TNRC18: variants seen among roughly 807,000 people sequenced by gnomAD.
TNRC18 encodes the protein trinucleotide repeat-containing gene 18 protein.
In TNRC18, 69 loss-of-function variants were observed where a neutral mutation model predicts 226.7. The observed-to-expected ratio is 0.30, with a 90% confidence interval of 0.25 to 0.37. The LOEUF (loss-of-function observed/expected upper bound fraction) is 0.37, where lower values mean the gene tolerates loss of function less well. Among genes scored for constraint, TNRC18 ranks in the 10% least tolerant of loss-of-function variants. The probability of loss-of-function intolerance (pLI) is 1.00; values close to 1 mark genes in which losing one functional copy is unlikely to be tolerated. For synonymous variants in TNRC18, 2,449 were observed against 1,927.6 expected (o/e 1.27, Z -7.09); for missense variants, 4,754 against 4,256.6 (o/e 1.12, Z -3.25).
intron 3 of TNRC18, among the ~76,000 whole-genome samples, chr7:5,391,005 T>C (rs1013550806): frequency 1.3e-5 from 2 of 152,088 alleles, no homozygotes; most frequent in African/African-American, 4.8e-5. Context: ...ACGAGAAAAC[T>C]CAGAGCAGGC....
In TNRC18 at chr7:5,307,948, ACACT is replaced by A. The variant is rs140279079; in HGVS notation, c.*154_*157del. On this transcript the variant is annotated 3_prime_UTR_variant, in exon 30 of 30. Coordinates refer to ENST00000430969, the MANE Select transcript of TNRC18 (RefSeq NM_001080495.3). Reference sequence around the variant, plus strand: ...TGCGTGCACACACGTGCATGCACACACACTCACCCGGGCATCCACGTGCACACCT... The same window carrying A: ...TGCGTGCACACACGTGCATGCACACACACCCGGGCATCCACGTGCACACCT... 1,026 of 658,588 alleles carry A rather than the reference ACACT, an allele frequency of 1.6e-3. 9 individuals carry two copies. Among genetic ancestry groups the A allele is most frequent in the African/African-American group, 0.014 (778 of 55,222 alleles). 40.8% of individuals were successfully genotyped at this position (658,588 alleles called of 1,614,324 possible). A position where few individuals can be genotyped will look rare whatever the true frequency, so the allele number is the denominator to read the frequency against.
Position 5,313,064 on chromosome 7 carries a change from C to G in TNRC18, c.7827G>C (p.Ala2609=). 1.8e-6 allele frequency: 2 copies of G among 1,122,584 alleles called. No homozygotes were observed. The highest frequency in any genetic ancestry group is 2.6e-6 in the Non-Finnish European group (2 of 768,246). The allele number at this position is 1,122,584 out of a possible 1,614,324, so 69.5% of individuals were successfully genotyped here. A position where few individuals can be genotyped will look rare whatever the true frequency, so the allele number is the denominator to read the frequency against. ...AGGAGGAGGAGGAGGCCGGTGAGGC[C>G]GCCCTGGAGCTGGCAGCGCTGCAGT... is the stretch of plus-strand genomic sequence containing the variant. ...GRNCSAASSR[A]ASPASSSSSS... Residue 2609 remains alanine (A), a synonymous_variant, in exon 27 of 30, where the codon GCG becomes GCC. Transcript: ENST00000430969.
rs372961432 is a variant in TNRC18 at position 5,362,704 on chromosome 7, C to T, written c.4341G>A (p.Pro1447=). ...VVDPLKNLRL[P]RELKPNKKYS... is the part of the protein sequence containing the mutation. The stretch of plus-strand genomic sequence containing the variant: ...ACTTCTTGTTGGGCTTCAGCTCCCG[C>T]GGGAGCCGCAGGTTCTTGAGTGGGT... Residue 1447 remains proline (P), a synonymous_variant, in exon 12 of 30, where the codon CCG becomes CCA. Coordinates refer to ENST00000430969, the MANE Select transcript of TNRC18 (RefSeq NM_001080495.3). The T allele has an allele frequency of 4.2e-5, 67 of 1,583,124 alleles. No individual in the cohort carries two copies. The highest frequency in any genetic ancestry group is 4.5e-5 in the Non-Finnish European group (53 of 1,165,662).
At chr7:5,365,731 G>A (rs922978882) in intron 11 of TNRC18, among the ~76,000 whole-genome samples, 2 of 152,098 alleles carry the variant, frequency 1.3e-5, no homozygotes, top group Non-Finnish European at 1.5e-5. Flanking sequence ...TGGGATTGCA[G>A]ACGTGAGCCA....
At chr7:5,339,541 A>ATGTG (rs71536907) in intron 18 of TNRC18, among the ~76,000 whole-genome samples, 22,700 of 136,954 alleles carry the variant, frequency 0.17, 1,899 homozygotes, top group African/African-American at 0.22. Context: ...TGCCCAGCCA[A>ATGTG]TGTGTGTGTG....
At chr7:5,341,919 T>C (rs982423475) in intron 18 of TNRC18, among the ~76,000 whole-genome samples, 25 of 152,204 alleles carry the variant, frequency 1.6e-4, no homozygotes, top group Admixed American at 7.2e-4. Context: ...CGATGTACCT[T>C]GTCACCCAAG....
chr7:5,357,864 G>A (rs779494318), intron 15 of TNRC18, among the ~76,000 whole-genome samples: 5 of 152,166 alleles, frequency 3.3e-5, no homozygotes, highest in African/African-American at 4.8e-5. Context: ...ACTCAGATAA[G>A]GTATGCAGTG....
At chr7:5,358,870 T>C (rs1214650987) in intron 15 of TNRC18, among the ~76,000 whole-genome samples, 2 of 151,964 alleles carry the variant, frequency 1.3e-5, no homozygotes, top group Non-Finnish European at 2.9e-5. Flanking sequence ...TGGGGAGGGA[T>C]GGCAAGGTAC....
chr7:5,419,330 G>C (rs952441177), intron 2 of TNRC18, among the ~76,000 whole-genome samples: 2 of 152,198 alleles, frequency 1.3e-5, no homozygotes, highest in African/African-American at 4.8e-5. Flanking sequence ...AGTGCGCGAC[G>C]CCCCTTCCCA....
At chr7:5,409,812 T>C (rs1464993595) in intron 2 of TNRC18, among the ~76,000 whole-genome samples, 3 of 104,736 alleles carry the variant, frequency 2.9e-5, no homozygotes, top group Non-Finnish European at 3.8e-5. Flanking sequence ...CCGTCTCTAC[T>C]AAAAAAAAAA....
intron 5 of TNRC18, among the ~76,000 whole-genome samples, chr7:5,381,083 C>T (rs1263291016): frequency 6.6e-6 from 1 of 152,152 alleles, no homozygotes; most frequent in Admixed American, 6.5e-5. Context: ...TCCCAAGCGC[C>T]ACCTGCCACA....
At chr7:5,390,105 T>C (rs1780176978) in intron 4 of TNRC18, 2 of 387,152 alleles carry the variant, frequency 5.2e-6, no homozygotes, top group African/African-American at 2.1e-5. Flanking sequence ...GGCTCACATC[T>C]GTAATCCCAG....
intron 5 of TNRC18, among the ~76,000 whole-genome samples, chr7:5,382,638 T>C (rs1779478914): frequency 6.6e-6 from 1 of 152,058 alleles, no homozygotes; most frequent in South Asian, 2.1e-4. Context: ...CCGCCCCCTG[T>C]GAAGCTGGAG....
At position 5,370,867 on chromosome 7, in the gene TNRC18, G is replaced by T; in HGVS notation, c.3727C>A (p.Leu1243Met). Residue 1243 changes from leucine to methionine, a missense_variant, in exon 11 of 30, where the codon CTG becomes ATG. Coordinates refer to ENST00000430969, the MANE Select transcript of TNRC18 (RefSeq NM_001080495.3). ...PGRTEPCTAA[L>M]DLGVQLTPET... ...GGTGTCAGCTGCACCCCCAGGTCCA[G>T]GGCGGCGGTGCAGGGTTCTGTCCGG... 6.2e-7 allele frequency: 1 copy of T among 1,608,280 alleles called. No homozygotes were observed. The highest frequency in any genetic ancestry group is 8.5e-7 in the Non-Finnish European group (1 of 1,179,708).
rs564899940 is a variant in TNRC18 at position 5,337,199 on chromosome 7, G to A, written c.5720-4150C>T. Among the ~76,000 whole-genome samples the A allele has an allele frequency of 2.0e-5, 3 of 151,764 alleles. No individual in the cohort carries two copies. In the East Asian group the frequency reaches 5.8e-4, roughly 29 times the overall value. ...GGCGAACTTCTCATCAGAAACCAGA[G>A]GCCAGAAGAGAGCAGGATATCTTCT... On this transcript the variant is annotated intron_variant, in intron 18 of 29. Transcript: ENST00000430969.
intron 19 of TNRC18, among the ~76,000 whole-genome samples, chr7:5,326,340 T>C (rs942547724): frequency 6.6e-6 from 1 of 152,212 alleles, no homozygotes; most frequent in African/African-American, 2.4e-5. Flanking sequence ...AGCTTCATTT[T>C]AACAGCAGCC....
chr7:5,401,563 C>T (rs1781092984), intron 2 of TNRC18, among the ~76,000 whole-genome samples: 1 of 152,190 alleles, frequency 6.6e-6, no homozygotes. Context: ...CTTATTGTCT[C>T]TGCCCACTGA....
rs771079743 is a variant in TNRC18 at position 5,357,132 on chromosome 7, C to T, written c.4978G>A (p.Gly1660Arg). 16 of 1,560,574 alleles carry T rather than the reference C, an allele frequency of 1.0e-5. No individual in the cohort carries two copies. The East Asian group carries it at 2.6e-4, about 26-fold the overall frequency. Residue 1660 changes from glycine (G) to arginine (R), a missense_variant, in exon 16 of 30, where the codon GGG becomes AGG. Physicochemically the swap from Gly to Arg is moderately radical, Grantham distance 125. Coordinates refer to ENST00000430969, the MANE Select transcript of TNRC18 (RefSeq NM_001080495.3). ...GGAGTCAAGTACCTGCCGCAGCCCC[C>T]GCTAGTTTTCGATTTCCCCCCAGCA... ...DSAGGKSKTS[G>R]GCGRYLTPYD...
chr7:5,404,354 G>A (rs528865006), intron 2 of TNRC18, among the ~76,000 whole-genome samples: 1 of 152,184 alleles, frequency 6.6e-6, no homozygotes, highest in South Asian at 2.1e-4. Flanking sequence ...CTGGGCGACA[G>A]AGCAAGACTC....
Sources: gnomAD v4.1 joint callset for allele counts (sites outside exome capture counted in the v4.1 genomes callset) on GRCh38, gnomAD v4.1.1 for gene constraint, MANE v1.5 for transcripts, NCBI Gene and HGNC (gene_info 2026-07-23, HGNC 2026-07-21) for gene names.